The following INSR variants were observed in gnomAD, a reference collection of about 807,000 sequenced individuals.
The protein encoded by INSR is IR.
A neutral mutation model predicts 142.6 loss-of-function variants in INSR; 67 were observed. The observed-to-expected ratio is 0.47, with a 90% CI of 0.39 to 0.58. The LOEUF is 0.58. Among genes scored for constraint, INSR ranks in the 20% least tolerant of loss-of-function variants. The pLI is 0.00. For missense variants in INSR, 1,248 were observed against 1,833.2 expected, an observed-to-expected ratio of 0.68 and a Z score of 5.83; for synonymous variants, 756 against 743.1, an observed-to-expected ratio of 1.02 and a Z score of -0.28.
At chr19:7,121,851 A>T (rs189591332) in intron 19 of INSR, among the ~76,000 whole-genome samples, 24 of 152,322 alleles carry the variant, frequency 1.6e-4, no homozygotes, top group Admixed American at 1.6e-3. Context: ...CCCCATCCAA[A>T]ATCTTGCCCA....
At chr19:7,252,458 C>A (rs1032132409) in intron 2 of INSR, among the ~76,000 whole-genome samples, 1 of 152,084 alleles carries the variant, frequency 6.6e-6, no homozygotes, top group Non-Finnish European at 1.5e-5. Flanking sequence ...GGATCAAACC[C>A]GTCTGCTAGG....
chr19:7,231,097 T>G (rs1454080483), intron 2 of INSR, among the ~76,000 whole-genome samples: 1 of 152,124 alleles, frequency 6.6e-6, no homozygotes, highest in Admixed American at 6.5e-5. Context: ...CTCGCTGATT[T>G]CCAGAAACTC....
chr19:7,170,460 C>T, intron 6 of INSR, 77 bp downstream of exon 6: 1 of 1,058,592 alleles, frequency 9.4e-7, no homozygotes, highest in East Asian at 2.4e-5. Flanking sequence ...CATCCCCACC[C>T]ACCACCAGTC....
rs1441740513 is a variant in INSR, at chr19:7,174,067, G to C, written c.1123+516C>G. Among the ~76,000 whole-genome samples the C allele has an allele frequency of 2.6e-5, 4 of 151,618 alleles. No homozygotes were observed. In the South Asian group the frequency reaches 8.3e-4, roughly 32 times the overall value. On this transcript the variant is annotated intron_variant, in intron 4 of 21. Coordinates refer to ENST00000302850, the MANE Select transcript of INSR (RefSeq NM_000208.4). ...AGAGGCTGAGGCAGGAAGATTGCTC[G>C]AGCCCAGGAGTTTGAGACCAGCCTG... is the stretch of plus-strand genomic sequence containing the variant.
Position 7,265,071 on chromosome 19 carries a change from A to G in INSR, c.652+2274T>C, listed in dbSNP as rs73492837. Among the ~76,000 whole-genome samples the G allele has an allele frequency of 6.7e-3, 1,026 of 152,164 alleles. 15 individuals are homozygous for G. The highest frequency in any genetic ancestry group is 0.023 in the African/African-American group (960 of 41,498). On this transcript the variant is annotated intron_variant, in intron 2 of 21. Transcript: ENST00000302850. ...TCTTTTGTGATACAACCCTCAAGCCACCCACTTAACTTCTTCCCACCTCCA... is the reference window on the plus strand; with the variant it reads ...TCTTTTGTGATACAACCCTCAAGCCGCCCACTTAACTTCTTCCCACCTCCA...
In INSR at chr19:7,238,578, G is replaced by A. The variant is rs538900263; in HGVS notation, c.652+28767C>T. Among the ~76,000 whole-genome samples the A allele has an allele frequency of 1.5e-3, 196 of 129,042 alleles. 7 individuals carry two copies. In the South Asian group the frequency reaches 0.049, roughly 32 times the overall value. 84.7% of individuals were successfully genotyped at this position (129,042 alleles called of 152,430 possible). On this transcript the variant is annotated intron_variant, in intron 2 of 21. Transcript: ENST00000302850. ...AGAGGTTGCAATGAGCTGAGATCAC[G>A]CCATTGCACTCCAGCCTGGGCAACA... is the stretch of plus-strand genomic sequence containing the variant.
At chr19:7,120,814 A>G (rs1287654041) in intron 19 of INSR, 65 bp from the exon 20 acceptor site, 1 of 1,595,164 alleles carries the variant, frequency 6.3e-7, no homozygotes, top group Non-Finnish European at 8.5e-7. Flanking sequence ...TGCCACCTTG[A>G]CTGCCCCACC....
At chr19:7,204,001 G>C (rs993432892) in intron 2 of INSR, among the ~76,000 whole-genome samples, 1 of 152,038 alleles carries the variant, frequency 6.6e-6, no homozygotes, top group Non-Finnish European at 1.5e-5. Context: ...TCCTGCCTCA[G>C]CCTCCTGAGT....
chr19:7,170,554 T>C lies in INSR; in HGVS notation c.1466A>G (p.Asn489Ser), dbSNP rs121913147. 4.3e-6 allele frequency: 7 copies of C among 1,612,634 alleles called. No individual in the cohort carries two copies. Among genetic ancestry groups the C allele is most frequent in the Middle Eastern group, 1.9e-4 (1 of 5,324 alleles). ...TGACTTACAGGATGCCTGGTCCCCA[T>C]TGGTCTTCAGGGCAATGTCGTTTCT... Reference protein sequence around the residue: ...QERNDIALKTNGDQASCENEL... With the variant: ...QERNDIALKTSGDQASCENEL... The change falls in exon 6 of 22, where the codon AAT (asparagine) becomes AGT (serine). Residue 489 changes from asparagine to serine, a missense_variant. Around this residue, in one of 3 missense-constraint regions of INSR, gnomAD observed 1,069 missense variants for 1,654.0 expected, o/e 0.65. Coordinates refer to ENST00000302850, the MANE Select transcript of INSR (RefSeq NM_000208.4).
intron 1 of INSR, among the ~76,000 whole-genome samples, chr19:7,290,837 C>T (rs761297491): frequency 2.0e-5 from 3 of 151,390 alleles, no homozygotes; most frequent in Non-Finnish European, 1.5e-5. Context: ...TTTGGGAGGC[C>T]GAGGCGGGTG....
chr19:7,149,788 C>T (rs992330287), intron 11 of INSR, among the ~76,000 whole-genome samples: 6 of 149,290 alleles, frequency 4.0e-5, no homozygotes, highest in African/African-American at 1.5e-4. Flanking sequence ...CACCACTGCA[C>T]TCTAGCCTGG....
intron 17 of INSR, 71 bp from the exon 18 acceptor site, chr19:7,123,060 C>CTGG: frequency 8.7e-7 from 1 of 1,155,036 alleles, no homozygotes; most frequent in Non-Finnish European, 1.3e-6. Context: ...TCCTCCCTCC[C>CTGG]TGGTGTCTAT....
chr19:7,251,527 C>T (rs1976727697), intron 2 of INSR, among the ~76,000 whole-genome samples: 1 of 151,880 alleles, frequency 6.6e-6, no homozygotes, highest in Admixed American at 6.6e-5. Flanking sequence ...TCCCAAAGTG[C>T]TGAGATTACA....
intron 2 of INSR, among the ~76,000 whole-genome samples, chr19:7,194,928 G>A (rs1309480604): frequency 1.3e-5 from 2 of 151,742 alleles, no homozygotes; most frequent in African/African-American, 2.4e-5. Context: ...ACCTGTTCTC[G>A]TATTAAATGA....
intron 1 of INSR, chr19:7,268,331 T>G: frequency 1.6e-6 from 1 of 632,284 alleles, no homozygotes; most frequent in East Asian, 1.4e-4. Context: ...GTATTTGTTT[T>G]GTCAATCCTC....
At chr19:7,279,058 G>A (rs556686212) in intron 1 of INSR, among the ~76,000 whole-genome samples, 1 of 152,274 alleles carries the variant, frequency 6.6e-6, no homozygotes, top group African/African-American at 2.4e-5. Context: ...AAACCCAGGA[G>A]GGAGAGGTTG....
chr19:7,145,106 C>G (rs761601140), intron 11 of INSR, among the ~76,000 whole-genome samples: 6 of 152,052 alleles, frequency 3.9e-5, no homozygotes, highest in Non-Finnish European at 8.8e-5. Context: ...ATTGTCCCCT[C>G]CTTGTCTTTT....
At chr19:7,184,065 A>G (rs1478000154) in intron 3 of INSR, among the ~76,000 whole-genome samples, 1 of 150,976 alleles carries the variant, frequency 6.6e-6, no homozygotes, top group Non-Finnish European at 1.5e-5. Context: ...CATCTCAAAA[A>G]AAAAAAAAAA....
At chr19:7,189,150 C>T (rs974211915) in intron 2 of INSR, among the ~76,000 whole-genome samples, 2 of 147,376 alleles carry the variant, frequency 1.4e-5, no homozygotes, top group Non-Finnish European at 3.0e-5. Flanking sequence ...CCAGGACCCA[C>T]GGAGTTCCAG....
Sources: allele counts gnomAD v4.1 joint callset (sites outside exome capture counted in the v4.1 genomes callset), GRCh38; gene constraint gnomAD v4.1.1; regional missense constraint gnomAD v4.1.1; transcripts MANE v1.5; gene names NCBI Gene and HGNC (gene_info 2026-07-23, HGNC 2026-07-21).